KLF8: variants seen among roughly 807,000 people sequenced by gnomAD.
The protein encoded by KLF8 is KLF transcription factor 8.
In KLF8, 10 loss-of-function variants were observed where a neutral mutation model predicts 18.2. That is an observed-to-expected ratio of 0.55 (90% confidence interval 0.34 to 0.93). The LOEUF (loss-of-function observed/expected upper bound fraction) is 0.93, where lower values mean the gene tolerates loss of function less well. KLF8 is among the 40% of genes least tolerant of loss of function. The probability of loss-of-function intolerance (pLI) is 0.02; values close to 1 mark genes in which losing one functional copy is unlikely to be tolerated. For missense variants in KLF8, 264 were observed against 277.9 expected (o/e 0.95, Z 0.36); for synonymous variants, 109 against 97.3 (o/e 1.12, Z -0.71).
At chrX:55,929,442 C>T in the KLF8 span, among the ~76,000 whole-genome samples, 1 of 112,228 alleles carries the variant, frequency 8.9e-6, no homozygotes, top group African/African-American at 3.2e-5. Flanking sequence ...AGTCTTTGCC[C>T]ATGCCTATGT....
the KLF8 span, among the ~76,000 whole-genome samples, chrX:56,091,785 G>A: frequency 4.5e-5 from 5 of 112,082 alleles, no homozygotes; most frequent in South Asian, 7.4e-4. Flanking sequence ...ATGAGCCATC[G>A]TGCCTAGCTG....
the KLF8 span, among the ~76,000 whole-genome samples, chrX:56,137,749 T>G: frequency 3.1e-5 from 3 of 97,424 alleles, no homozygotes; most frequent in Non-Finnish European, 6.2e-5. Flanking sequence ...ACTTAAAGTA[T>G]AATAATAAAA....
the KLF8 span, among the ~76,000 whole-genome samples, chrX:56,103,303 G>A: frequency 9.0e-6 from 1 of 111,279 alleles, no homozygotes; most frequent in Admixed American, 9.5e-5. Context: ...ACCTTGGGCA[G>A]TATGGCCATT....
chrX:56,152,325 G>A, the KLF8 span, among the ~76,000 whole-genome samples: 4 of 110,675 alleles, frequency 3.6e-5, no homozygotes, highest in Non-Finnish European at 5.7e-5. Context: ...GTAGTCATTA[G>A]ATATTAGAGA....
the KLF8 span, among the ~76,000 whole-genome samples, chrX:56,010,184 C>T: frequency 1.1e-4 from 12 of 110,713 alleles, no homozygotes; most frequent in South Asian, 3.8e-4. Flanking sequence ...CTGAAATGAA[C>T]GAAAAAAATG....
At chrX:56,079,715 G>A in the KLF8 span, among the ~76,000 whole-genome samples, 142 of 111,026 alleles carry the variant, frequency 1.3e-3, no homozygotes, top group African/African-American at 4.4e-3. Flanking sequence ...TTGACTTTCT[G>A]TCTTGTTGAT....
At chrX:56,211,086 T>C in the KLF8 span, among the ~76,000 whole-genome samples, 1 of 110,413 alleles carries the variant, frequency 9.1e-6, no homozygotes, top group African/African-American at 3.3e-5. Flanking sequence ...GTGTAGATGC[T>C]AGTAGATGTT....
chrX:56,132,050 A>G, the KLF8 span, among the ~76,000 whole-genome samples: 1 of 111,779 alleles, frequency 8.9e-6, no homozygotes, highest in Non-Finnish European at 1.9e-5. Context: ...GGGGACTTCA[A>G]TACTCTACTG....
chrX:56,031,901 G>A, the KLF8 span, among the ~76,000 whole-genome samples: 5 of 111,565 alleles, frequency 4.5e-5, no homozygotes, highest in South Asian at 1.1e-3. Flanking sequence ...GTGATCGATC[G>A]AGCGATCTAG....
At chrX:55,940,976 T>G in the KLF8 span, among the ~76,000 whole-genome samples, 2 of 111,463 alleles carry the variant, frequency 1.8e-5, no homozygotes, top group African/African-American at 6.5e-5. Context: ...TTCAATGCCA[T>G]CCCCATCAAT....
chrX:55,951,998 T>C, the KLF8 span, among the ~76,000 whole-genome samples: 1 of 112,310 alleles, frequency 8.9e-6, no homozygotes. Flanking sequence ...GTTTATACCC[T>C]GGCTGAGTAA....
the KLF8 span, among the ~76,000 whole-genome samples, chrX:56,035,906 C>T: frequency 1.8e-5 from 2 of 111,363 alleles, 1 homozygote; most frequent in South Asian, 7.5e-4. Context: ...CAAATATTTT[C>T]TCTCATAATG....
the KLF8 span, among the ~76,000 whole-genome samples, chrX:56,115,892 C>A: frequency 8.9e-6 from 1 of 112,077 alleles, no homozygotes; most frequent in Non-Finnish European, 1.9e-5. Context: ...TACCTAAGGT[C>A]ACAGAGCTAA....
chrX:56,188,662 C>G, the KLF8 span, among the ~76,000 whole-genome samples: 4 of 111,550 alleles, frequency 3.6e-5, no homozygotes, highest in African/African-American at 1.3e-4. Flanking sequence ...GTACTGGTAC[C>G]AAAACAGACA....
chrX:56,216,301 T>A, the KLF8 span, among the ~76,000 whole-genome samples: 1 of 110,913 alleles, frequency 9.0e-6, no homozygotes, highest in Non-Finnish European at 1.9e-5. Context: ...TCAAAATGCA[T>A]GTCTTATCAT....
At chrX:56,181,600 C>G in the KLF8 span, among the ~76,000 whole-genome samples, 184 of 111,398 alleles carry the variant, frequency 1.7e-3, no homozygotes, top group Non-Finnish European at 2.6e-3. Flanking sequence ...GTAGCTGGTA[C>G]CGGTTGTTCC....
the KLF8 span, among the ~76,000 whole-genome samples, chrX:55,984,894 T>C: frequency 1.8e-5 from 2 of 111,671 alleles, no homozygotes; most frequent in South Asian, 7.5e-4. Context: ...TTTTTTTTCA[T>C]ATGTTTCTTG....
chrX:56,284,379 C>T lies in KLF8; in HGVS notation c.965C>T (p.Thr322Ile), dbSNP rs755518394. The change falls in exon 6 of 6, where the codon ACT (threonine) becomes ATT (isoleucine). Residue 322 changes from threonine (T) to isoleucine (I), a missense_variant. Transcript: ENST00000468660. ...SWKFARSDEL[T>I]RHFRKHTGIK... ...AAATTTGCTCGCTCAGATGAGCTCA[C>T]TCGCCATTTCCGCAAGCACACAGGC... The T allele has an allele frequency of 8.3e-7, 1 of 1,206,565 alleles. No individual in the cohort carries two copies. Among genetic ancestry groups the T allele is most frequent in the Non-Finnish European group, 1.1e-6 (1 of 892,765 alleles).
At chrX:56,099,404 A>G in the KLF8 span, among the ~76,000 whole-genome samples, 1 of 111,208 alleles carries the variant, frequency 9.0e-6, no homozygotes, top group Non-Finnish European at 1.9e-5. Flanking sequence ...CTATGACACA[A>G]CAATATTAAC....
Sources: allele counts gnomAD v4.1 joint callset (sites outside exome capture counted in the v4.1 genomes callset), GRCh38; gene constraint gnomAD v4.1.1; transcripts MANE v1.5; gene names NCBI Gene and HGNC (gene_info 2026-07-23, HGNC 2026-07-21).